Variants in SGCZ observed in about 807,000 individuals in gnomAD.
SGCZ encodes sarcoglycan zeta.
Under a neutral mutation model 41.3 loss-of-function variants are expected in SGCZ, and 40 were observed. The ratio of observed to expected loss-of-function variants is 0.97; its 90% CI spans 0.75 to 1.26. The LOEUF is 1.26. SGCZ is among the 50% of genes most tolerant of loss of function. The pLI is 0.00. For synonymous variants in SGCZ, 206 were observed against 137.5 expected (o/e 1.50, Z -3.49); for missense variants, 552 against 369.8 (o/e 1.49, Z -4.04).
At chr8:14,759,463 G>T (rs905740880) in intron 1 of SGCZ, among the ~76,000 whole-genome samples, 3 of 151,918 alleles carry the variant, frequency 2.0e-5, no homozygotes, top group Non-Finnish European at 4.4e-5. Context: ...TAATATTTTT[G>T]TACACTTTTG....
At position 15,238,287 on chromosome 8, in the gene SGCZ, T is replaced by G. The variant is rs1187680183; in HGVS notation, c.-664A>C. The G allele has an allele frequency of 6.6e-6, 1 of 152,010 alleles. No individual in the cohort carries two copies. The highest frequency in any genetic ancestry group is 1.5e-5 in the Non-Finnish European group (1 of 68,020). The allele number at this position is 152,010 out of a possible 1,614,324, so 9.4% of individuals were successfully genotyped here. A position where few individuals can be genotyped will look rare whatever the true frequency, so the allele number is the denominator to read the frequency against. On this transcript the variant is annotated 5_prime_UTR_variant, in exon 1 of 8. Transcript: ENST00000382080. Reference sequence around the variant, plus strand: ...CCTTTGAAGGTTATGCTAAAAGAGTTGAGGGAATAGGAGGTGGATCCAACG... The same window carrying G: ...CCTTTGAAGGTTATGCTAAAAGAGTGGAGGGAATAGGAGGTGGATCCAACG...
intron 3 of SGCZ, among the ~76,000 whole-genome samples, chr8:14,254,600 A>G (rs1050682867): frequency 4.6e-5 from 7 of 152,244 alleles, no homozygotes; most frequent in Admixed American, 2.6e-4. Flanking sequence ...CATTATTTCT[A>G]TATGAAAACA....
At chr8:14,919,863 A>G (rs1192601678) in intron 1 of SGCZ, among the ~76,000 whole-genome samples, 2 of 152,140 alleles carry the variant, frequency 1.3e-5, no homozygotes, top group African/African-American at 4.8e-5. Context: ...GGTTGCAGTG[A>G]GCCAAGATCA....
At chr8:14,957,542 T>C (rs999667937) in intron 1 of SGCZ, among the ~76,000 whole-genome samples, 1 of 152,046 alleles carries the variant, frequency 6.6e-6, no homozygotes, top group African/African-American at 2.4e-5. Context: ...ATTTTACAAA[T>C]CATTCACATA....
At position 14,085,729 on chromosome 8, in the gene SGCZ, A is replaced by G. The variant is rs980782139; in HGVS notation, c.*4714T>C. ...ATACCAAGGAGTTTGTTATGCATGT[A>G]TAAAAGAAAAGTGGACCACACTAAT... On this transcript the variant is annotated 3_prime_UTR_variant, in exon 8 of 8. Coordinates refer to ENST00000382080, the MANE Select transcript of SGCZ (RefSeq NM_139167.4). 3.3e-5 allele frequency among the ~76,000 whole-genome samples: 5 copies of G among 151,802 alleles called. No homozygotes were observed. Among genetic ancestry groups the G allele is most frequent in the Admixed American group, 6.6e-5 (1 of 15,208 alleles).
At chr8:14,833,204 C>G (rs1337627952) in intron 1 of SGCZ, among the ~76,000 whole-genome samples, 1 of 152,012 alleles carries the variant, frequency 6.6e-6, no homozygotes, top group Non-Finnish European at 1.5e-5. Context: ...AAAGTATAGG[C>G]TCTCACATTA....
intron 1 of SGCZ, among the ~76,000 whole-genome samples, chr8:14,894,913 A>T (rs1003208596): frequency 1.3e-5 from 2 of 152,176 alleles, no homozygotes; most frequent in African/African-American, 2.4e-5. Flanking sequence ...AAACTATATT[A>T]AAAAATTTGA....
At position 14,089,799 on chromosome 8, in the gene SGCZ, C is replaced by G. The variant is rs892132211; in HGVS notation, c.*644G>C. 6.6e-6 allele frequency: 1 copy of G among 152,018 alleles called. No homozygotes were observed. The highest frequency in any genetic ancestry group is 2.4e-5 in the African/African-American group (1 of 41,354). The allele number at this position is 152,018 out of a possible 1,614,324, so 9.4% of individuals were successfully genotyped here. A position where few individuals can be genotyped will look rare whatever the true frequency, so the allele number is the denominator to read the frequency against. On this transcript the variant is annotated 3_prime_UTR_variant, in exon 8 of 8. Coordinates refer to ENST00000382080, the MANE Select transcript of SGCZ (RefSeq NM_139167.4). Reference sequence around the variant, plus strand: ...AGTGCTTTCAAAATTACCTGATGTACAAAATTCTAGACTTAGTAGACAAAG... The same window carrying G: ...AGTGCTTTCAAAATTACCTGATGTAGAAAATTCTAGACTTAGTAGACAAAG...
At chr8:14,328,879 G>A (rs1192136544) in intron 2 of SGCZ, among the ~76,000 whole-genome samples, 1 of 152,184 alleles carries the variant, frequency 6.6e-6, no homozygotes, top group African/African-American at 2.4e-5. Context: ...TTCACGCAGT[G>A]TTTCGACCTC....
chr8:14,316,864 T>C (rs941620635), intron 3 of SGCZ, among the ~76,000 whole-genome samples: 2 of 145,566 alleles, frequency 1.4e-5, no homozygotes, highest in African/African-American at 5.2e-5. Context: ...CGCCCTGCAC[T>C]TCCAACATGA....
rs879385241 is a variant in SGCZ, at chr8:15,083,755, G to GTTGTT, written c.39+153825_39+153829dup. Reference sequence around the variant, plus strand: ...GCTGTTTTTTGGGTTTTTTGTTGTTGTTGTTTTGTCTTGTTTTGTTTTGAG... The same window carrying GTTGTT: ...GCTGTTTTTTGGGTTTTTTGTTGTTGTTGTTTTGTTTTGTCTTGTTTTGTTTTGAG... On this transcript the variant is annotated intron_variant, in intron 1 of 7. Coordinates refer to ENST00000382080, the MANE Select transcript of SGCZ (RefSeq NM_139167.4). Among the ~76,000 whole-genome samples, 415 of 151,954 alleles carry GTTGTT rather than the reference G, an allele frequency of 2.7e-3. 1 individual carries two copies. Among genetic ancestry groups the GTTGTT allele is most frequent in the Admixed American group, 5.3e-3 (81 of 15,242 alleles).
At chr8:15,032,825 C>G (rs1398031682) in intron 1 of SGCZ, among the ~76,000 whole-genome samples, 1 of 152,090 alleles carries the variant, frequency 6.6e-6, no homozygotes, top group African/African-American at 2.4e-5. Flanking sequence ...CCCACAAACT[C>G]AACTTCTAGG....
At chr8:14,099,640 G>A (rs752899396) in intron 7 of SGCZ, among the ~76,000 whole-genome samples, 7 of 152,044 alleles carry the variant, frequency 4.6e-5, no homozygotes, top group Non-Finnish European at 7.4e-5. Context: ...CAGGACAATC[G>A]CTTGAACCCA....
rs954614179 is a variant in SGCZ, at chr8:14,601,800, T to C, written c.40-46874A>G. Among the ~76,000 whole-genome samples, 5 of 152,218 alleles carry C rather than the reference T, an allele frequency of 3.3e-5. 1 individual carries two copies. Among genetic ancestry groups the C allele is most frequent in the Admixed American group, 1.3e-4 (2 of 15,276 alleles). Reference sequence around the variant, plus strand: ...CAAGTTGTATTCTAGAATATTTATGTACATCCCTTTAATTAATCCTTAAAA... The same window carrying C: ...CAAGTTGTATTCTAGAATATTTATGCACATCCCTTTAATTAATCCTTAAAA... On this transcript the variant is annotated intron_variant, in intron 1 of 7. Coordinates refer to ENST00000382080, the MANE Select transcript of SGCZ (RefSeq NM_139167.4).
chr8:14,410,624 G>C (rs1307182598), intron 2 of SGCZ, among the ~76,000 whole-genome samples: 2 of 151,744 alleles, frequency 1.3e-5, no homozygotes, highest in African/African-American at 4.8e-5. Context: ...TGGTGGACAA[G>C]GGGAGGGAGA....
intron 4 of SGCZ, among the ~76,000 whole-genome samples, chr8:14,194,086 C>A (rs1805192115): frequency 6.6e-6 from 1 of 151,572 alleles, no homozygotes; most frequent in Non-Finnish European, 1.5e-5. Flanking sequence ...AAGAAACATT[C>A]TGTGAAAAAC....
intron 2 of SGCZ, among the ~76,000 whole-genome samples, chr8:14,465,994 A>G (rs1370133740): frequency 6.6e-6 from 1 of 151,952 alleles, no homozygotes; most frequent in Admixed American, 6.6e-5. Context: ...CAGTAGAGTT[A>G]TAAAATATTG....
chr8:14,328,790 G>A (rs946813705), intron 2 of SGCZ, among the ~76,000 whole-genome samples: 1 of 152,166 alleles, frequency 6.6e-6, no homozygotes, highest in Non-Finnish European at 1.5e-5. Context: ...AGAGGTGGAG[G>A]CTTTAAGACA....
chr8:14,815,084 C>T (rs959216636), intron 1 of SGCZ, among the ~76,000 whole-genome samples: 1 of 152,022 alleles, frequency 6.6e-6, no homozygotes, highest in Admixed American at 6.6e-5. Context: ...GCAATTTGTC[C>T]CAACATGACA....
Sources: allele counts gnomAD v4.1 joint callset (sites outside exome capture counted in the v4.1 genomes callset), GRCh38; gene constraint gnomAD v4.1.1; transcripts MANE v1.5; gene names NCBI Gene and HGNC (gene_info 2026-07-23, HGNC 2026-07-21).